The following PCGF5 variants were observed in gnomAD, a reference collection of about 807,000 sequenced individuals.
The protein encoded by PCGF5 is polycomb group ring finger 5.
In PCGF5, 9 loss-of-function variants were observed where a neutral mutation model predicts 44.3. That is an observed-to-expected ratio of 0.20 (90% CI 0.12 to 0.35). PCGF5 has a LOEUF of 0.35. Ranked by LOEUF, PCGF5 falls within the 10% of genes least tolerant of loss-of-function variation. The pLI, the probability that PCGF5 is intolerant of heterozygous loss-of-function variation, is 1.00. For synonymous variants in PCGF5, 95 were observed against 102.5 expected (o/e 0.93, Z 0.44); for missense variants, 146 against 305.3 (o/e 0.48, Z 3.89).
intron 6 of PCGF5, among the ~76,000 whole-genome samples, chr10:91,258,335 T>G (rs1845809116): frequency 6.6e-6 from 1 of 152,112 alleles, no homozygotes; most frequent in Admixed American, 6.6e-5. Context: ...AGATGAAAAA[T>G]ACACAAATTA....
At chr10:91,174,909 G>A (rs190697090) in intron 1 of PCGF5, among the ~76,000 whole-genome samples, 292 of 152,358 alleles carry the variant, frequency 1.9e-3, no homozygotes, top group Non-Finnish European at 3.7e-3. Context: ...CAACAGTAGA[G>A]AAGAGGCATC....
At chr10:91,232,034 G>A (rs557501116) in intron 2 of PCGF5, among the ~76,000 whole-genome samples, 25 of 152,312 alleles carry the variant, frequency 1.6e-4, no homozygotes, top group Non-Finnish European at 3.2e-4. Flanking sequence ...ATGAAAGTTT[G>A]AAGGGAGGAC....
intron 3 of PCGF5, among the ~76,000 whole-genome samples, chr10:91,244,630 A>G (rs1260498366): frequency 6.6e-6 from 1 of 152,154 alleles, no homozygotes; most frequent in Non-Finnish European, 1.5e-5. Context: ...AGCAGGGAGA[A>G]CAGTTAGAAA....
intron 6 of PCGF5, among the ~76,000 whole-genome samples, chr10:91,254,639 T>C (rs1845704273): frequency 6.6e-6 from 1 of 152,036 alleles, no homozygotes; most frequent in African/African-American, 2.4e-5. Flanking sequence ...TGCAGTAGGA[T>C]GTGATTCACA....
intron 1 of PCGF5, among the ~76,000 whole-genome samples, chr10:91,191,673 A>G (rs1844036280): frequency 6.6e-6 from 1 of 152,152 alleles, no homozygotes. Context: ...GTGATGTCCT[A>G]TGTAGCCCTC....
intron 6 of PCGF5, among the ~76,000 whole-genome samples, chr10:91,258,357 G>A (rs902727113): frequency 6.6e-6 from 1 of 152,100 alleles, no homozygotes; most frequent in African/African-American, 2.4e-5. Flanking sequence ...GAGTCTTCCA[G>A]TACAGGTTGA....
chr10:91,203,334 G>A (rs913014979), intron 1 of PCGF5, among the ~76,000 whole-genome samples: 3 of 149,506 alleles, frequency 2.0e-5, no homozygotes, highest in African/African-American at 5.2e-5. Flanking sequence ...TAATTCTCTA[G>A]GAAAGTGTTC....
intron 8 of PCGF5, among the ~76,000 whole-genome samples, chr10:91,264,791 A>G (rs1231387701): frequency 1.3e-5 from 2 of 152,166 alleles, no homozygotes; most frequent in East Asian, 3.8e-4. Flanking sequence ...AGAGAAAATG[A>G]CATATTTTTT....
chr10:91,222,752 T>C lies in PCGF5; in HGVS notation c.-120T>C. On this transcript the variant is annotated 5_prime_UTR_variant, in exon 2 of 10. Transcript: ENST00000336126. ...ACGATCTCATGATAAATCTGGATGC[T>C]AGTTCTCATGCCTCAGGACATCCTA... The C allele has an allele frequency of 1.8e-6, 1 of 565,166 alleles. No homozygotes were observed. The highest frequency in any genetic ancestry group is 3.0e-5 in the East Asian group (1 of 33,774). The allele number at this position is 565,166 out of a possible 1,614,324, so 35.0% of individuals were successfully genotyped here.
rs1319755615 is a variant in PCGF5 at position 91,240,856 on chromosome 10, T to G, written c.209+276T>G. ...TTAGGTTACAGGTATTTTCAGTATT[T>G]TAATAGTCCATGTTATGTTGAGCTA... On this transcript the variant is annotated intron_variant, in intron 3 of 9. Coordinates refer to ENST00000336126, the MANE Select transcript of PCGF5 (RefSeq NM_032373.5). Among the ~76,000 whole-genome samples, 3 of 151,894 alleles carry G rather than the reference T, an allele frequency of 2.0e-5. 1 individual carries two copies. The East Asian group carries it at 5.8e-4, about 29-fold the overall frequency.
upstream of PCGF5, among the ~76,000 whole-genome samples, chr10:91,159,537 A>T (rs1721776868): frequency 6.6e-6 from 1 of 152,194 alleles, no homozygotes; most frequent in Non-Finnish European, 1.5e-5. Flanking sequence ...CAGAGGAGGA[A>T]GAAAGGCCCT....
At position 91,281,747 on chromosome 10, in the gene PCGF5, C is replaced by G. The variant is rs1846459421; in HGVS notation, c.*3431C>G. The G allele has an allele frequency of 6.6e-6, 1 of 152,360 alleles. No homozygotes were observed. The highest frequency in any genetic ancestry group is 6.6e-5 in the Admixed American group (1 of 15,264). 9.4% of individuals were successfully genotyped at this position (152,360 alleles called of 1,614,324 possible). Reference sequence around the variant, plus strand: ...AATATCACCAAAGAAAGGCTTTAAACTGAATTTTCTTGGTGAGATCAGTCA... The same window carrying G: ...AATATCACCAAAGAAAGGCTTTAAAGTGAATTTTCTTGGTGAGATCAGTCA... On this transcript the variant is annotated 3_prime_UTR_variant, in exon 10 of 10. Coordinates refer to ENST00000336126, the MANE Select transcript of PCGF5 (RefSeq NM_032373.5).
chr10:91,209,109 A>G (rs1000893753), intron 1 of PCGF5, among the ~76,000 whole-genome samples: 1 of 152,204 alleles, frequency 6.6e-6, no homozygotes, highest in Non-Finnish European at 1.5e-5. Flanking sequence ...CCAAATATAC[A>G]TAGTATTTTG....
intron 3 of PCGF5, 83 bp from the exon 4 acceptor site, chr10:91,248,422 A>G (rs1845527360): frequency 5.7e-6 from 7 of 1,235,792 alleles, no homozygotes; most frequent in South Asian, 1.2e-5. Context: ...TGTAACATGT[A>G]TAAGATTATA....
Position 91,182,201 on chromosome 10 carries a change from G to A in PCGF5, c.-184+19120G>A, listed in dbSNP as rs567262433. The stretch of plus-strand genomic sequence containing the variant: ...TCAATTTTTTGGAATAGTTCCCGTA[G>A]GAATGGTCGCAGCTCTTCTTTGTAC... On this transcript the variant is annotated intron_variant, in intron 1 of 9. Transcript: ENST00000614189. 8.6e-5 allele frequency among the ~76,000 whole-genome samples: 13 copies of A among 151,098 alleles called. No homozygotes were observed. The South Asian group carries it at 2.5e-3, about 29-fold the overall frequency.
At chr10:91,159,104 G>C (rs937831803), upstream of PCGF5, among the ~76,000 whole-genome samples, 5 of 152,112 alleles carry the variant, frequency 3.3e-5, no homozygotes, top group Non-Finnish European at 7.3e-5. Flanking sequence ...GACTAGAGGA[G>C]CACCATATCT....
intron 8 of PCGF5, among the ~76,000 whole-genome samples, chr10:91,270,984 A>G (rs910663298): frequency 2.0e-5 from 3 of 151,984 alleles, no homozygotes; most frequent in Non-Finnish European, 4.4e-5. Flanking sequence ...AATCTACTCA[A>G]TAGTTTTAAA....
upstream of PCGF5, among the ~76,000 whole-genome samples, chr10:91,215,261 G>A (rs1384982997): frequency 6.6e-6 from 1 of 152,148 alleles, no homozygotes; most frequent in East Asian, 1.9e-4. Flanking sequence ...AATTAAAATG[G>A]TGATATTGAA....
At chr10:91,225,337 A>G (rs1290530859) in intron 2 of PCGF5, among the ~76,000 whole-genome samples, 1 of 150,080 alleles carries the variant, frequency 6.7e-6, no homozygotes, top group Non-Finnish European at 1.5e-5. Flanking sequence ...CTCAACAGCA[A>G]TTTAAAGCCT....
Sources: allele counts gnomAD v4.1 joint callset (sites outside exome capture counted in the v4.1 genomes callset), GRCh38; gene constraint gnomAD v4.1.1; transcripts MANE v1.5; gene names NCBI Gene and HGNC (gene_info 2026-07-23, HGNC 2026-07-21).